The following DAB1 variants were observed in gnomAD, a reference collection of about 807,000 sequenced individuals.
The protein encoded by DAB1 is disabled homolog 1.
A neutral mutation model predicts 64.6 loss-of-function variants in DAB1; 15 were observed. That is an observed-to-expected ratio of 0.23 (90% CI 0.16 to 0.36). The LOEUF is 0.36. Among genes scored for constraint, DAB1 ranks in the 10% least tolerant of loss-of-function variants. The pLI is 1.00. For missense variants in DAB1, 596 were observed against 706.7 expected, an observed-to-expected ratio of 0.84 and a Z score of 1.78; for synonymous variants, 235 against 251.9, an observed-to-expected ratio of 0.93 and a Z score of 0.64.
intron 6 of DAB1, among the ~76,000 whole-genome samples, chr1:57,800,012 AT>A (rs1355150301): frequency 1.3e-5 from 2 of 152,206 alleles, no homozygotes; most frequent in African/African-American, 4.8e-5. Context: ...CCAGATTAGG[AT>A]GCTAATGCTA....
intron 7 of DAB1, among the ~76,000 whole-genome samples, chr1:57,612,544 C>G (rs1421852448): frequency 6.6e-6 from 1 of 152,088 alleles, no homozygotes; most frequent in Non-Finnish European, 1.5e-5. Flanking sequence ...TGGACTTGAA[C>G]ATGGAGGAAG....
At chr1:57,465,331 G>T (rs1401911150) in intron 7 of DAB1, among the ~76,000 whole-genome samples, 2 of 152,086 alleles carry the variant, frequency 1.3e-5, no homozygotes, top group African/African-American at 4.8e-5. Flanking sequence ...ATGTAGTTTG[G>T]TCATCTGTGC....
At chr1:58,323,924 C>CA (rs11432020) in intron 4 of DAB1, among the ~76,000 whole-genome samples, 22,789 of 79,642 alleles carry the variant, frequency 0.29, 2,575 homozygotes, top group Middle Eastern at 0.48. Context: ...GACTCCATCT[C>CA]AAAAAAAAAA....
chr1:57,921,038 C>T (rs550199576), intron 5 of DAB1, among the ~76,000 whole-genome samples: 6 of 152,100 alleles, frequency 3.9e-5, no homozygotes, highest in Admixed American at 6.5e-5. Context: ...ATACTGGAAA[C>T]GACCTTAATG....
chr1:57,496,865 A>G (rs1476038461), intron 7 of DAB1, among the ~76,000 whole-genome samples: 1 of 152,188 alleles, frequency 6.6e-6, no homozygotes, highest in Non-Finnish European at 1.5e-5. Context: ...AACATGTTTC[A>G]GTATTTCTTA....
At chr1:56,999,231 A>G (rs1387573833) in intron 14 of DAB1, among the ~76,000 whole-genome samples, 4 of 152,212 alleles carry the variant, frequency 2.6e-5, no homozygotes, top group Admixed American at 6.5e-5. Flanking sequence ...ATCTCATCAC[A>G]ACAGCCTTGT....
intron 7 of DAB1, among the ~76,000 whole-genome samples, chr1:57,445,967 T>C (rs1490049993): frequency 3.9e-5 from 6 of 152,202 alleles, no homozygotes; most frequent in Non-Finnish European, 4.4e-5. Flanking sequence ...AATCAGTCTT[T>C]CCTTCTTCTT....
chr1:58,030,249 T>C (rs1278666138), intron 5 of DAB1, among the ~76,000 whole-genome samples: 2 of 152,116 alleles, frequency 1.3e-5, no homozygotes, highest in African/African-American at 4.8e-5. Context: ...ACTGTGTGCA[T>C]ATTACTAAAA....
At chr1:57,797,673 A>G (rs975831907) in intron 6 of DAB1, among the ~76,000 whole-genome samples, 1 of 152,250 alleles carries the variant, frequency 6.6e-6, no homozygotes, top group Non-Finnish European at 1.5e-5. Flanking sequence ...TAATGCTTAC[A>G]AGCTGTAGAA....
At position 58,518,329 on chromosome 1, in the gene DAB1, AGAAGAGAAGAGAAGAGAAGAGAAGG is replaced by A. The variant is rs1557450347; in HGVS notation, n.107+8907_107+8931del. The stretch of plus-strand genomic sequence containing the variant: ...AGAAGAGAAGAGAAGAGAAGAGAAG[AGAAGAGAAGAGAAGAGAAGAGAAGG>A]GAAGGGAAGAGAAGAGAAGGGAAGA... On this transcript the variant is annotated intron_variant and non_coding_transcript_variant, in intron 2 of 20. Coordinates refer to the DAB1 transcript ENST00000485760. 2.6e-4 allele frequency among the ~76,000 whole-genome samples: 27 copies of A among 105,332 alleles called. 5 individuals are homozygous for A. Among genetic ancestry groups the A allele is most frequent in the Admixed American group, 7.1e-4 (8 of 11,322 alleles). 69.1% of individuals were successfully genotyped at this position (105,332 alleles called of 152,430 possible).
chr1:58,010,853 G>T (rs562934769), intron 5 of DAB1, among the ~76,000 whole-genome samples: 2 of 152,314 alleles, frequency 1.3e-5, no homozygotes, highest in South Asian at 4.1e-4. Flanking sequence ...CTCAAAATTT[G>T]TCTCAGCATG....
rs150040891 is a variant in DAB1, at chr1:57,148,249, A to G, written c.68-2820T>C. Among the ~76,000 whole-genome samples the G allele has an allele frequency of 5.2e-3, 788 of 152,356 alleles. 5 individuals carry two copies. Among genetic ancestry groups the G allele is most frequent in the South Asian group, 0.022 (108 of 4,820 alleles). On this transcript the variant is annotated intron_variant, in intron 2 of 14. Transcript: ENST00000371236. ...AGAAAGAAGATTCATAAGAGAAGGC[A>G]GAGCCATAGCAGGTGAACAAGGGCA...
At chr1:57,092,628 T>C (rs1195847776) in intron 4 of DAB1, among the ~76,000 whole-genome samples, 1 of 137,500 alleles carries the variant, frequency 7.3e-6, no homozygotes, top group African/African-American at 2.8e-5. Flanking sequence ...AATTACCCAG[T>C]CTTAATAGCA....
In DAB1 at chr1:57,405,403, T is replaced by C. The variant is rs185332343; in HGVS notation, c.-137+18527A>G. ...ATGGTCCAATGTACCCCTTGGTATA[T>C]TGACTGAACTTGCACGTGAGGGAGA... On this transcript the variant is annotated intron_variant, in intron 1 of 14. Coordinates refer to ENST00000371236, the MANE Select transcript of DAB1 (RefSeq NM_001365792.1). Among the ~76,000 whole-genome samples the C allele has an allele frequency of 3.9e-5, 6 of 152,342 alleles. No homozygotes were observed. In the East Asian group the frequency reaches 9.6e-4, roughly 24 times the overall value.
At chr1:57,524,421 C>T (rs919833802) in intron 7 of DAB1, among the ~76,000 whole-genome samples, 5 of 152,120 alleles carry the variant, frequency 3.3e-5, no homozygotes, top group Non-Finnish European at 7.4e-5. Context: ...GTGGAGAGAC[C>T]ACCAAACAGG....
chr1:57,043,818 G>T (rs1570578723), intron 9 of DAB1, among the ~76,000 whole-genome samples: 1 of 151,526 alleles, frequency 6.6e-6, no homozygotes, highest in African/African-American at 2.4e-5. Flanking sequence ...CTCCACTCCA[G>T]CCTGGGTGAC....
chr1:57,281,621 G>C (rs904562852), intron 2 of DAB1, among the ~76,000 whole-genome samples: 5 of 152,122 alleles, frequency 3.3e-5, no homozygotes, highest in African/African-American at 4.8e-5. Flanking sequence ...CTGAGGGCAG[G>C]AGGAGCCACT....
At chr1:57,430,291 C>T (rs1341351843) in intron 7 of DAB1, among the ~76,000 whole-genome samples, 2 of 152,074 alleles carry the variant, frequency 1.3e-5, no homozygotes, top group Middle Eastern at 3.2e-3. Context: ...TTACACAGCC[C>T]ACAATTCATT....
At chr1:57,525,977 A>G (rs1167627824) in intron 7 of DAB1, among the ~76,000 whole-genome samples, 1 of 146,686 alleles carries the variant, frequency 6.8e-6, no homozygotes, top group African/African-American at 2.5e-5. Context: ...TTGCTCTGTC[A>G]CCCAGGCTGG....
Sources: allele counts gnomAD v4.1 joint callset (sites outside exome capture counted in the v4.1 genomes callset), GRCh38; gene constraint gnomAD v4.1.1; transcripts MANE v1.5; gene names NCBI Gene and HGNC (gene_info 2026-07-23, HGNC 2026-07-21).